The following XYLT1 variants were observed in gnomAD, a reference collection of about 807,000 sequenced individuals.
XYLT1 encodes xylosyltransferase 1.
In XYLT1, 36 loss-of-function variants were observed where a neutral mutation model predicts 91.3. The ratio of observed to expected loss-of-function variants is 0.39; its 90% confidence interval spans 0.30 to 0.52. The LOEUF (loss-of-function observed/expected upper bound fraction) is 0.52. Ranked by LOEUF, XYLT1 falls within the 20% of genes least tolerant of loss-of-function variation. The pLI, the probability that XYLT1 is intolerant of heterozygous loss-of-function variation, is 0.68. For synonymous variants in XYLT1, 588 were observed against 532.0 expected, an observed-to-expected ratio of 1.11 and a Z score of -1.45; for missense variants, 1,242 against 1,284.5, an observed-to-expected ratio of 0.97 and a Z score of 0.51.
rs11358476 is a variant in XYLT1, at chr16:17,222,789, CAAAAAAAA to C, written c.914-22143_914-22136del. 5.6e-4 allele frequency among the ~76,000 whole-genome samples: 40 copies of C among 71,198 alleles called. No individual in the cohort carries two copies. In the Admixed American group the frequency reaches 6.5e-3, roughly 12 times the overall value. 46.7% of individuals were successfully genotyped at this position (71,198 alleles called of 152,430 possible). A position where few individuals can be genotyped will look rare whatever the true frequency, so the allele number is the denominator to read the frequency against. On this transcript the variant is annotated intron_variant, in intron 3 of 11. Transcript: ENST00000261381. The stretch of plus-strand genomic sequence containing the variant: ...TGGGTGACAGAGCAAAACTCTGTCT[CAAAAAAAA>C]AAAAAAAAAAAAAAGAATCCTGCAT...
chr16:17,308,515 C>A (rs12922276), intron 2 of XYLT1, among the ~76,000 whole-genome samples: 1 of 152,188 alleles, frequency 6.6e-6, no homozygotes, highest in African/African-American at 2.4e-5. Flanking sequence ...CTACAAAGAA[C>A]GGTCACTTCT....
At chr16:17,443,796 C>T (rs1227100737) in intron 1 of XYLT1, among the ~76,000 whole-genome samples, 2 of 152,146 alleles carry the variant, frequency 1.3e-5, no homozygotes, top group African/African-American at 2.4e-5. Flanking sequence ...GGATCCAATC[C>T]AAACTGCTTT....
chr16:17,186,102 T>C lies in XYLT1; in HGVS notation c.1289+12110A>G, dbSNP rs192345045. ...GATCTGGAACGGAACTCTAGATTTC[T>C]TTTTTATTTTTATTTTTTAAGACGG... On this transcript the variant is annotated intron_variant, in intron 5 of 11. Transcript: ENST00000261381. Among the ~76,000 whole-genome samples, 478 of 152,284 alleles carry C rather than the reference T, an allele frequency of 3.1e-3. 1 individual carries two copies. The highest frequency in any genetic ancestry group is 9.4e-3 in the African/African-American group (390 of 41,560).
At chr16:17,455,718 C>T (rs1276216660) in intron 1 of XYLT1, among the ~76,000 whole-genome samples, 1 of 152,218 alleles carries the variant, frequency 6.6e-6, no homozygotes, top group Non-Finnish European at 1.5e-5. Flanking sequence ...CCATCAGAAT[C>T]CGGCCAGGCT....
chr16:17,201,921 G>C (rs2032551727), intron 3 of XYLT1, among the ~76,000 whole-genome samples: 1 of 152,130 alleles, frequency 6.6e-6, no homozygotes, highest in Non-Finnish European at 1.5e-5. Flanking sequence ...GGCCTGCCTT[G>C]AGCTCCTGCA....
rs1447650968 is a variant in XYLT1, at chr16:17,175,290, A to G, written c.1290-16381T>C. Among the ~76,000 whole-genome samples, 7 of 152,144 alleles carry G rather than the reference A, an allele frequency of 4.6e-5. 1 individual carries two copies. The highest frequency in any genetic ancestry group is 4.8e-5 in the African/African-American group (2 of 41,428). On this transcript the variant is annotated intron_variant, in intron 5 of 11. Coordinates refer to ENST00000261381, the MANE Select transcript of XYLT1 (RefSeq NM_022166.4). The stretch of plus-strand genomic sequence containing the variant: ...ATTTTACAATGGAGCAAACTTCTCA[A>G]AACTTGGGCAACGTGTCTAATAATC...
At position 17,200,626 on chromosome 16, in the gene XYLT1, G is replaced by A. The variant is rs758450754; in HGVS notation, c.942C>T (p.Asp314=). 5.0e-6 allele frequency: 8 copies of A among 1,613,998 alleles called. No individual in the cohort carries two copies. Among genetic ancestry groups the A allele is most frequent in the Middle Eastern group, 1.6e-4 (1 of 6,062 alleles). Residue 314 remains aspartate (D), a synonymous_variant, in exon 4 of 12, where the codon GAC becomes GAT. Transcript: ENST00000261381. ...CTGGCATGTACTCCACGGAGTCCTCGTCCCACTGCACGTTCTTGTTGGCTT... is the reference window on the plus strand; with the variant it reads ...CTGGCATGTACTCCACGGAGTCCTCATCCCACTGCACGTTCTTGTTGGCTT... ...EGKANKNVQW[D]EDSVEYMPAN...
intron 3 of XYLT1, among the ~76,000 whole-genome samples, chr16:17,248,087 T>C (rs1195836897): frequency 6.6e-6 from 1 of 152,182 alleles, no homozygotes; most frequent in African/African-American, 2.4e-5. Flanking sequence ...CCATGTGTCA[T>C]GGGAGGAACC....
chr16:17,183,986 T>C (rs759063139), intron 5 of XYLT1, among the ~76,000 whole-genome samples: 3 of 152,024 alleles, frequency 2.0e-5, no homozygotes, highest in Non-Finnish European at 4.4e-5. Flanking sequence ...TTCCTCCAGA[T>C]TGCCCTTGAA....
At chr16:17,295,550 T>C (rs2034297236) in intron 2 of XYLT1, among the ~76,000 whole-genome samples, 1 of 152,124 alleles carries the variant, frequency 6.6e-6, no homozygotes, top group East Asian at 1.9e-4. Context: ...GAGATGGGGT[T>C]TCACCAGGTT....
At position 17,127,857 on chromosome 16, in the gene XYLT1, A is replaced by T; in HGVS notation, c.2032T>A (p.Tyr678Asn). The T allele has an allele frequency of 6.2e-7, 1 of 1,613,084 alleles. No homozygotes were observed. The highest frequency in any genetic ancestry group is 8.5e-7 in the Non-Finnish European group (1 of 1,179,648). ...HTDGENSCRY[Y>N]PMGHPASVHL... ...ACAGATGCTGGGTGGCCCATTGGGT[A>T]GTATCTGAAAACACAGGCGCTCATG... The change falls in exon 10 of 12, where the codon TAC (tyrosine) becomes AAC (asparagine). Residue 678 changes from tyrosine to asparagine, a missense_variant. Tyr to Asn is a moderately radical substitution (Grantham distance 143). Around this residue, in one of 3 missense-constraint regions of XYLT1, gnomAD observed 511 missense variants for 497.0 expected, o/e 1.03. Coordinates refer to ENST00000261381, the MANE Select transcript of XYLT1 (RefSeq NM_022166.4).
At chr16:17,208,284 C>G (rs565678887) in intron 3 of XYLT1, among the ~76,000 whole-genome samples, 1 of 152,094 alleles carries the variant, frequency 6.6e-6, no homozygotes, top group East Asian at 1.9e-4. Flanking sequence ...TGCCTGGCCC[C>G]CATCCCTTCT....
At chr16:17,240,932 A>C (rs1271340252) in intron 3 of XYLT1, among the ~76,000 whole-genome samples, 1 of 152,176 alleles carries the variant, frequency 6.6e-6, no homozygotes, top group African/African-American at 2.4e-5. Flanking sequence ...CTAGAACCCC[A>C]ATGATTAGAA....
At chr16:17,345,214 C>G (rs1233656354) in intron 2 of XYLT1, among the ~76,000 whole-genome samples, 1 of 152,222 alleles carries the variant, frequency 6.6e-6, no homozygotes, top group Non-Finnish European at 1.5e-5. Flanking sequence ...CGACACAGTT[C>G]ATCTCTGAAC....
intron 1 of XYLT1, among the ~76,000 whole-genome samples, chr16:17,359,792 G>A (rs2035356806): frequency 6.6e-6 from 1 of 152,226 alleles, no homozygotes; most frequent in Non-Finnish European, 1.5e-5. Context: ...CAGGGGTGAA[G>A]AAGTGGCAGC....
chr16:17,293,344 A>C (rs1466821695), intron 2 of XYLT1, among the ~76,000 whole-genome samples: 1 of 152,082 alleles, frequency 6.6e-6, no homozygotes, highest in Admixed American at 6.5e-5. Context: ...GCATCTCTCT[A>C]ATGGAACTTC....
chr16:17,418,546 T>TA (rs11364108), intron 1 of XYLT1, among the ~76,000 whole-genome samples: 9 of 149,566 alleles, frequency 6.0e-5, no homozygotes, highest in East Asian at 2.0e-4. Flanking sequence ...AGTTCAGAGT[T>TA]AAAAAAAAAA....
At position 17,127,850 on chromosome 16, in the gene XYLT1, A is replaced by G. The variant is rs528206234; in HGVS notation, c.2039T>C (p.Met680Thr). Residue 680 changes from methionine (M) to threonine (T), a missense_variant, in exon 10 of 12, where the codon ATG becomes ACG. Met to Thr is a moderately conservative substitution (Grantham distance 81, BLOSUM62 -1). This residue lies in a region of XYLT1 where 511 missense variants were observed against 497.0 expected (regional missense o/e 1.03). Coordinates refer to ENST00000261381, the MANE Select transcript of XYLT1 (RefSeq NM_022166.4). The part of the protein sequence containing the change: ...DGENSCRYYP[M>T]GHPASVHLYF... The stretch of plus-strand genomic sequence containing the variant: ...GAGGTGCACAGATGCTGGGTGGCCC[A>G]TTGGGTAGTATCTGAAAACACAGGC... 10 of 1,613,490 alleles carry G rather than the reference A, an allele frequency of 6.2e-6. No homozygotes were observed. The highest frequency in any genetic ancestry group is 2.7e-5 in the African/African-American group (2 of 74,964).
intron 6 of XYLT1, among the ~76,000 whole-genome samples, chr16:17,149,588 G>C (rs756189526): frequency 3.9e-5 from 6 of 152,186 alleles, no homozygotes; most frequent in Admixed American, 1.3e-4. Flanking sequence ...CACAATGCAT[G>C]AAATCAGTCA....
Sources: gnomAD v4.1 joint callset for allele counts (sites outside exome capture counted in the v4.1 genomes callset) on GRCh38, gnomAD v4.1.1 for gene constraint, gnomAD v4.1.1 regional missense constraint, MANE v1.5 for transcripts, NCBI Gene and HGNC (gene_info 2026-07-23, HGNC 2026-07-21) for gene names.